The following DNAH12 variants were observed in gnomAD, a reference collection of about 807,000 sequenced individuals.
DNAH12 encodes the protein dynein axonemal heavy chain 12.
DNAH12 carries 285 observed loss-of-function variants against 371.5 expected under a neutral mutation model. The ratio of observed to expected loss-of-function variants is 0.77; its 90% CI spans 0.70 to 0.85. The LOEUF (loss-of-function observed/expected upper bound fraction) is 0.85, where lower values mean the gene tolerates loss of function less well. Ranked by LOEUF, DNAH12 falls within the 40% of genes least tolerant of loss-of-function variation. DNAH12 has a pLI of 0.00. For synonymous variants in DNAH12, 1,200 were observed against 1,213.0 expected (o/e 0.99, Z 0.22); for missense variants, 3,611 against 3,689.4 (o/e 0.98, Z 0.55).
At position 57,437,779 on chromosome 3, in the gene DNAH12, A is replaced by T. The variant is rs568327010; in HGVS notation, c.4546-719T>A. Among the ~76,000 whole-genome samples the T allele has an allele frequency of 4.6e-5, 7 of 152,348 alleles. No homozygotes were observed. The South Asian group carries it at 1.4e-3, about 32-fold the overall frequency. ...AGACCAAGGGCTTGGCTGGAAAGAC[A>T]CACAGAGAGATTTCTTTAGTCTCAG... On this transcript the variant is annotated intron_variant, in intron 29 of 73. Transcript: ENST00000495027.
chr3:57,480,955 C>T (rs1416597833), intron 13 of DNAH12, among the ~76,000 whole-genome samples: 3 of 152,126 alleles, frequency 2.0e-5, no homozygotes, highest in Non-Finnish European at 2.9e-5. Flanking sequence ...AAACCCACAG[C>T]CAATATCATA....
chr3:57,433,060 C>T (rs919634837), intron 32 of DNAH12, among the ~76,000 whole-genome samples: 2 of 151,718 alleles, frequency 1.3e-5, no homozygotes, highest in African/African-American at 4.8e-5. Flanking sequence ...TCCTAAAATA[C>T]TGAAGTTCTA....
intron 65 of DNAH12, among the ~76,000 whole-genome samples, chr3:57,315,760 C>T (rs768140602): frequency 1.3e-5 from 2 of 152,124 alleles, no homozygotes; most frequent in Non-Finnish European, 2.9e-5. Flanking sequence ...GTGATGAGGA[C>T]TCAGTTCTGC....
chr3:57,527,847 T>A (rs2068701455), intron 2 of DNAH12, among the ~76,000 whole-genome samples: 1 of 152,196 alleles, frequency 6.6e-6, no homozygotes, highest in Non-Finnish European at 1.5e-5. Context: ...ATCATGTTGT[T>A]ATTTCCTTTG....
At chr3:57,445,606 A>C (rs1344881579) in intron 27 of DNAH12, among the ~76,000 whole-genome samples, 187 bp from the exon 28 acceptor site, 1 of 152,112 alleles carries the variant, frequency 6.6e-6, no homozygotes, top group Admixed American at 6.6e-5. Context: ...TGGATGTTTA[A>C]AAAAGTTTTG....
At position 57,421,605 on chromosome 3, in the gene DNAH12, T is replaced by C. The variant is rs1398486976; in HGVS notation, c.5475A>G (p.Lys1825=). ...AATCTGGCACTGGGTTTTCATCATC[T>C]TTTCCCAGTATGATTAATCGTATGA... ...DTFIRLIILG[K]DDENPVPDSV... Residue 1825 remains lysine, a synonymous_variant, in exon 36 of 74, where the codon AAA becomes AAG. Coordinates refer to ENST00000495027, the MANE Select transcript of DNAH12 (RefSeq NM_001366028.2). 1.3e-6 allele frequency: 2 copies of C among 1,551,644 alleles called. No homozygotes were observed. Among genetic ancestry groups the C allele is most frequent in the Middle Eastern group, 1.7e-4 (1 of 5,992 alleles).
At chr3:57,454,629 G>A in intron 23 of DNAH12, 146 bp downstream of exon 23, 1 of 1,058,740 alleles carries the variant, frequency 9.4e-7, no homozygotes. Context: ...TAATACTTTG[G>A]GAGGTTGAAG....
At chr3:57,539,520 T>C (rs2069183120) in intron 2 of DNAH12, among the ~76,000 whole-genome samples, 1 of 152,180 alleles carries the variant, frequency 6.6e-6, no homozygotes, top group Non-Finnish European at 1.5e-5. Context: ...TCTCATTCTC[T>C]GGATCTCTCC....
intron 66 of DNAH12, among the ~76,000 whole-genome samples, chr3:57,313,343 T>TA (rs933554589): frequency 3.3e-5 from 5 of 151,658 alleles, no homozygotes; most frequent in East Asian, 1.9e-4. Context: ...AAAATACGTT[T>TA]AAAAAAAACA....
chr3:57,402,133 T>C (rs2063889716), intron 43 of DNAH12, among the ~76,000 whole-genome samples: 2 of 152,192 alleles, frequency 1.3e-5, no homozygotes, highest in African/African-American at 4.8e-5. Flanking sequence ...AAAGAAACAA[T>C]GTAAGTGTAA....
At chr3:57,459,241 T>C (rs2065985183) in intron 20 of DNAH12, among the ~76,000 whole-genome samples, 1 of 152,160 alleles carries the variant, frequency 6.6e-6, no homozygotes. Flanking sequence ...ACACTATTCA[T>C]TCTCTCTCCC....
intron 58 of DNAH12, among the ~76,000 whole-genome samples, chr3:57,359,502 T>C (rs2062873846): frequency 7.2e-6 from 1 of 139,388 alleles, no homozygotes; most frequent in Non-Finnish European, 1.5e-5. Context: ...GAGGTTGCTG[T>C]GAGCCGAGAT....
intron 29 of DNAH12, among the ~76,000 whole-genome samples, chr3:57,444,325 G>A (rs946765245): frequency 6.6e-6 from 1 of 151,804 alleles, no homozygotes; most frequent in Non-Finnish European, 1.5e-5. Flanking sequence ...CCAGGCTGGA[G>A]TGCAGTGGTG....
At chr3:57,412,402 A>T (rs889613888) in intron 39 of DNAH12, among the ~76,000 whole-genome samples, 8 of 152,332 alleles carry the variant, frequency 5.3e-5, no homozygotes, top group Middle Eastern at 3.4e-3. Flanking sequence ...TATGGCAATG[A>T]CTTTTTCAGA....
intron 40 of DNAH12, among the ~76,000 whole-genome samples, chr3:57,407,057 C>T (rs1237140220): frequency 2.0e-5 from 3 of 152,006 alleles, no homozygotes; most frequent in Non-Finnish European, 4.4e-5. Flanking sequence ...CACCACCACG[C>T]CCAGCTAATT....
At chr3:57,441,051 C>T (rs1559661870) in intron 29 of DNAH12, among the ~76,000 whole-genome samples, 3 of 151,698 alleles carry the variant, frequency 2.0e-5, no homozygotes, top group African/African-American at 7.3e-5. Flanking sequence ...AGCTGATGAC[C>T]AAGAGAAAAA....
Position 57,421,902 on chromosome 3 carries a change from CT to C in DNAH12, c.5374-197del, listed in dbSNP as rs368757579. On this transcript the variant is annotated intron_variant, in intron 35 of 73. Transcript: ENST00000495027. ...AATTTTTATCAAAATGTTTGCATGT[CT>C]TTTTTTTTTTTTTTTTTTTTGAGAC... is the stretch of plus-strand genomic sequence containing the variant. 2.3e-3 allele frequency among the ~76,000 whole-genome samples: 223 copies of C among 98,524 alleles called. 1 individual carries two copies. The Middle Eastern group carries it at 0.026, about 11-fold the overall frequency. The allele number at this position is 98,524 out of a possible 152,430, so 64.6% of individuals were successfully genotyped here. A position where few individuals can be genotyped will look rare whatever the true frequency, so the allele number is the denominator to read the frequency against.
chr3:57,446,358 T>A, intron 26 of DNAH12, 88 bp from the exon 27 acceptor site: 1 of 1,458,604 alleles, frequency 6.9e-7, no homozygotes, highest in Non-Finnish European at 9.1e-7. Flanking sequence ...AAGTCAGAAT[T>A]GAAAGTTAAA....
chr3:57,323,408 T>C, intron 63 of DNAH12, 61 bp downstream of exon 63: 1 of 1,480,834 alleles, frequency 6.8e-7, no homozygotes, highest in Non-Finnish European at 8.9e-7. Context: ...ATATAAGGAA[T>C]CAGTATTGAG....
Sources: allele counts gnomAD v4.1 joint callset (sites outside exome capture counted in the v4.1 genomes callset), GRCh38; gene constraint gnomAD v4.1.1; transcripts MANE v1.5; gene names NCBI Gene and HGNC (gene_info 2026-07-23, HGNC 2026-07-21).